ZNF385C: variants seen among roughly 807,000 people sequenced by gnomAD.
The protein encoded by ZNF385C is CTD-2132N18.2.
In ZNF385C, 28 loss-of-function variants were observed where a neutral mutation model predicts 35.4. The ratio of observed to expected loss-of-function variants is 0.79; its 90% CI spans 0.59 to 1.08. The LOEUF is 1.08. Among genes scored for constraint, ZNF385C ranks in the 50% least tolerant of loss-of-function variants. The pLI is 0.00. For missense variants in ZNF385C, 605 were observed against 595.6 expected (o/e 1.02, Z -0.16); for synonymous variants, 248 against 248.2 (o/e 1.00, Z 0.01).
At chr17:42,065,093 C>G (rs1156857143) in intron 1 of ZNF385C, 4 of 152,338 alleles carry the variant, frequency 2.6e-5, no homozygotes, top group Non-Finnish European at 5.9e-5. Context: ...CTCAAGTGAT[C>G]TGCTCACCTC....
chr17:42,068,223 G>A (rs1246017851), intron 1 of ZNF385C, among the ~76,000 whole-genome samples: 2 of 152,116 alleles, frequency 1.3e-5, no homozygotes, highest in East Asian at 1.9e-4. Context: ...TCGGCAGCTC[G>A]GCATCCCCAA....
Position 42,031,604 on chromosome 17 carries a change from G to A in ZNF385C, c.676+15C>T. 6.5e-7 allele frequency: 1 copy of A among 1,527,940 alleles called. No homozygotes were observed. The highest frequency in any genetic ancestry group is 8.8e-7 in the Non-Finnish European group (1 of 1,132,274). The allele number at this position is 1,527,940 out of a possible 1,614,324, so 94.6% of individuals were successfully genotyped here. ...TGGAGTGGAGACGTGGGAAAGAGAAGAGCTCAGGACTGACCTTTACTCTGT... is the reference window on the plus strand; with the variant it reads ...TGGAGTGGAGACGTGGGAAAGAGAAAAGCTCAGGACTGACCTTTACTCTGT... On this transcript the variant is annotated intron_variant, in intron 5 of 8. Transcript: ENST00000692273.
chr17:42,057,506 G>GCA (rs1555657629), intron 2 of ZNF385C, among the ~76,000 whole-genome samples: 1 of 26,000 alleles, frequency 3.8e-5, no homozygotes, highest in African/African-American at 9.2e-5. Context: ...GTGCGCGCGC[G>GCA]CGCGCGCGTG....
chr17:42,040,237 C>G, intron 2 of ZNF385C: 2 of 1,231,600 alleles, frequency 1.6e-6, no homozygotes, highest in Non-Finnish European at 2.0e-6. Context: ...TAGGCCCTTC[C>G]GCATGGAGTC....
Position 42,027,930 on chromosome 17 carries a change from C to T in ZNF385C, c.1164+120G>A, listed in dbSNP as rs150227256. On this transcript the variant is annotated intron_variant, in intron 7 of 8. Coordinates refer to ENST00000692273, the MANE Select transcript of ZNF385C (RefSeq NM_001392013.1). ...AATTGGCCCACTGGCCTGCTGGCCT[C>T]GCTTCTCCAGCCTGCTCTGCTGTGC... is the stretch of plus-strand genomic sequence containing the variant. 2.8e-3 allele frequency: 3,849 copies of T among 1,363,562 alleles called. 150 individuals carry two copies. The Admixed American group carries it at 0.067, about 24-fold the overall frequency. The allele number at this position is 1,363,562 out of a possible 1,614,324, so 84.5% of individuals were successfully genotyped here.
intron 1 of ZNF385C, among the ~76,000 whole-genome samples, chr17:42,097,089 C>T (rs1036690057): frequency 2.6e-5 from 4 of 152,008 alleles, no homozygotes; most frequent in Non-Finnish European, 4.4e-5. Flanking sequence ...TCTGAGCCCT[C>T]GCCAGGCTCC....
intron 6 of ZNF385C, chr17:42,028,479 TCTC>T: frequency 1.7e-6 from 1 of 587,732 alleles, no homozygotes; most frequent in Non-Finnish European, 2.9e-6. Context: ...TTTGCTTTGA[TCTC>T]AGTCCTTTCC....
intron 1 of ZNF385C, among the ~76,000 whole-genome samples, chr17:42,097,696 G>A (rs2053932176): frequency 6.6e-6 from 1 of 152,108 alleles, no homozygotes; most frequent in Non-Finnish European, 1.5e-5. Context: ...CGAGGTCCTG[G>A]GAGGCAGGAC....
At chr17:42,091,139 G>A (rs1320452013) in intron 1 of ZNF385C, among the ~76,000 whole-genome samples, 1 of 152,010 alleles carries the variant, frequency 6.6e-6, no homozygotes, top group East Asian at 1.9e-4. Context: ...AGAACAAAGA[G>A]AAGACTGGCT....
At chr17:42,096,240 G>T (rs2053916551) in intron 1 of ZNF385C, among the ~76,000 whole-genome samples, 1 of 152,176 alleles carries the variant, frequency 6.6e-6, no homozygotes, top group Non-Finnish European at 1.5e-5. Flanking sequence ...CACACTATTG[G>T]CATAACCTGT....
chr17:42,072,933 C>T (rs2053645618), intron 1 of ZNF385C, among the ~76,000 whole-genome samples: 2 of 152,154 alleles, frequency 1.3e-5, no homozygotes, highest in Non-Finnish European at 1.5e-5. Context: ...CCCAAACTGG[C>T]TGCCTTCCCC....
chr17:42,060,208 C>A (rs1450335684), intron 2 of ZNF385C, among the ~76,000 whole-genome samples: 1 of 152,184 alleles, frequency 6.6e-6, no homozygotes, highest in Non-Finnish European at 1.5e-5. Context: ...GTGGCACCCC[C>A]CACACACCCC....
rs141880528 is a variant in ZNF385C, at chr17:42,079,187, CAAAAA to C, written c.-2-16134_-2-16130del. ...AGAAACATGACAAAACCCTGTCTCGCAAAAAAAAAAAAAAAAATATATATATATAT... is the reference window on the plus strand; with the variant it reads ...AGAAACATGACAAAACCCTGTCTCGCAAAAAAAAAAAATATATATATATAT... On this transcript the variant is annotated intron_variant, in intron 1 of 8. Coordinates refer to ENST00000692273, the MANE Select transcript of ZNF385C (RefSeq NM_001392013.1). Among the ~76,000 whole-genome samples the C allele has an allele frequency of 2.2e-3, 246 of 113,992 alleles. 3 individuals are homozygous for C. The highest frequency in any genetic ancestry group is 6.9e-3 in the East Asian group (27 of 3,928). The allele number at this position is 113,992 out of a possible 152,430, so 74.8% of individuals were successfully genotyped here. A position where few individuals can be genotyped will look rare whatever the true frequency, so the allele number is the denominator to read the frequency against.
intron 1 of ZNF385C, among the ~76,000 whole-genome samples, chr17:42,081,070 T>C (rs1294249426): frequency 1.3e-5 from 2 of 152,356 alleles, no homozygotes; most frequent in African/African-American, 4.8e-5. Flanking sequence ...TAAACACTTA[T>C]TGAACACCTA....
chr17:42,056,196 A>G (rs1432889870), intron 2 of ZNF385C, among the ~76,000 whole-genome samples: 1 of 152,212 alleles, frequency 6.6e-6, no homozygotes, highest in African/African-American at 2.4e-5. Context: ...TCTTTCTACC[A>G]AGAGACAAGG....
chr17:42,052,806 G>T (rs1336492732), intron 2 of ZNF385C, among the ~76,000 whole-genome samples: 1 of 151,942 alleles, frequency 6.6e-6, no homozygotes, highest in South Asian at 2.1e-4. Flanking sequence ...TAAATGCATC[G>T]GAGTTAAAAG....
chr17:42,041,284 G>C (rs759444449), intron 2 of ZNF385C: 3 of 1,091,136 alleles, frequency 2.7e-6, no homozygotes, highest in Non-Finnish European at 3.5e-6. Context: ...AAGAGCCCAG[G>C]CCTTGAGGTT....
intron 4 of ZNF385C, among the ~76,000 whole-genome samples, chr17:42,033,022 C>A (rs868945619): frequency 6.6e-6 from 1 of 152,132 alleles, no homozygotes; most frequent in Non-Finnish European, 1.5e-5. Flanking sequence ...CCACGCCCAG[C>A]CTCTCCTCCA....
intron 1 of ZNF385C, among the ~76,000 whole-genome samples, chr17:42,091,674 AC>A (rs1293355135): frequency 1.2e-4 from 19 of 152,106 alleles, no homozygotes; most frequent in African/African-American, 4.6e-4. Flanking sequence ...CATCTTGCAG[AC>A]CCAGAATAGC....
Sources: gnomAD v4.1 joint callset for allele counts (sites outside exome capture counted in the v4.1 genomes callset) on GRCh38, gnomAD v4.1.1 for gene constraint, MANE v1.5 for transcripts, NCBI Gene and HGNC (gene_info 2026-07-23, HGNC 2026-07-21) for gene names.